MEI4: variants seen among roughly 807,000 people sequenced by gnomAD.
The protein encoded by MEI4 is meiosis-specific protein MEI4.
A neutral mutation model predicts 31.4 loss-of-function variants in MEI4; 27 were observed. The ratio of observed to expected loss-of-function variants is 0.86; its 90% CI spans 0.63 to 1.19. The LOEUF is 1.19. MEI4 is among the 50% of genes most tolerant of loss of function. The pLI is 0.00. For synonymous variants in MEI4, 122 were observed against 145.4 expected (o/e 0.84, Z 1.16); for missense variants, 329 against 398.9 (o/e 0.82, Z 1.49).
chr6:77,796,117 T>C (rs1192662382), intron 3 of MEI4, among the ~76,000 whole-genome samples: 1 of 152,124 alleles, frequency 6.6e-6, no homozygotes, highest in Non-Finnish European at 1.5e-5. Context: ...ATTAACAGAA[T>C]GAAGGATTAA....
At chr6:77,685,133 T>C (rs1460187306) in intron 1 of MEI4, among the ~76,000 whole-genome samples, 1 of 152,200 alleles carries the variant, frequency 6.6e-6, no homozygotes, top group African/African-American at 2.4e-5. Context: ...TATGTCTGTT[T>C]GCCATTTCTG....
intron 2 of MEI4, among the ~76,000 whole-genome samples, chr6:77,731,249 G>A (rs1766980708): frequency 6.8e-6 from 1 of 148,090 alleles, no homozygotes; most frequent in Non-Finnish European, 1.5e-5. Flanking sequence ...CACCAACAGT[G>A]TAAAAGTGTT....
chr6:77,761,125 T>C lies in MEI4; in HGVS notation c.233-5T>C, dbSNP rs968922765. ...AGATAATCCTTCTATTCCTTTATTT[T>C]TCAGGATACGTTTCCTCCCAGTTGG... On this transcript the variant is annotated splice_polypyrimidine_tract_variant and splice_region_variant and intron_variant, in intron 2 of 4. Coordinates refer to ENST00000684080, the MANE Select transcript of MEI4 (RefSeq NM_001322247.2). The C allele has an allele frequency of 2.4e-6, 3 of 1,231,706 alleles. No individual in the cohort carries two copies. The highest frequency in any genetic ancestry group is 3.1e-5 in the African/African-American group (2 of 64,394). 76.3% of individuals were successfully genotyped at this position (1,231,706 alleles called of 1,614,324 possible).
At chr6:77,751,587 T>C (rs1400909067) in intron 2 of MEI4, among the ~76,000 whole-genome samples, 2 of 151,754 alleles carry the variant, frequency 1.3e-5, no homozygotes, top group African/African-American at 4.8e-5. Context: ...AGCCCTGAAA[T>C]GACCAATAAC....
chr6:77,705,440 A>G (rs1766311144), intron 2 of MEI4, among the ~76,000 whole-genome samples: 1 of 152,252 alleles, frequency 6.6e-6, no homozygotes, highest in African/African-American at 2.4e-5. Flanking sequence ...AAGTAATATC[A>G]CACATGTGGA....
intron 2 of MEI4, among the ~76,000 whole-genome samples, chr6:77,729,392 T>C (rs1766913528): frequency 6.6e-6 from 1 of 152,246 alleles, no homozygotes; most frequent in South Asian, 2.1e-4. Context: ...CACACTGGAA[T>C]AACCTAGGAG....
chr6:77,881,461 A>G (rs532599468), intron 4 of MEI4, among the ~76,000 whole-genome samples: 53 of 152,184 alleles, frequency 3.5e-4, no homozygotes, highest in South Asian at 8.3e-4. Context: ...ATGACTTCTG[A>G]CTCATTCTAT....
chr6:77,902,436 T>A lies in MEI4; in HGVS notation c.901-20653T>A, dbSNP rs1409310985. Among the ~76,000 whole-genome samples, 8 of 152,280 alleles carry A rather than the reference T, an allele frequency of 5.3e-5. No individual in the cohort carries two copies. In the South Asian group the frequency reaches 1.7e-3, roughly 32 times the overall value. Reference sequence around the variant, plus strand: ...TAGTTTTTTCACCTCCTTGGTTAAATGTATTCTTAAGTATTTTGGATTTTT... The same window carrying A: ...TAGTTTTTTCACCTCCTTGGTTAAAAGTATTCTTAAGTATTTTGGATTTTT... On this transcript the variant is annotated intron_variant, in intron 4 of 4. Transcript: ENST00000684080.
intron 1 of MEI4, among the ~76,000 whole-genome samples, chr6:77,680,128 A>AAAAAAAAAAAAAAAAAAAAAAAAT (rs1247876878): frequency 7.8e-5 from 9 of 115,576 alleles, no homozygotes; most frequent in East Asian, 2.5e-4. Context: ...AAAAAAAAAA[A>AAAAAAAAAAAAAAAAAAAAAAAAT]ATTAGCTGGG....
At chr6:77,868,518 T>TATATATAC (rs1771113372) in intron 4 of MEI4, among the ~76,000 whole-genome samples, 2 of 137,592 alleles carry the variant, frequency 1.5e-5, no homozygotes, top group African/African-American at 5.2e-5. Context: ...TATATATATA[T>TATATATAC]ATATATATAT....
upstream of MEI4, among the ~76,000 whole-genome samples, chr6:77,651,593 G>A (rs1768301890): frequency 6.6e-6 from 1 of 152,206 alleles, no homozygotes; most frequent in Non-Finnish European, 1.5e-5. Context: ...GAGATTTACA[G>A]CGTATTATAT....
chr6:77,666,613 T>C (rs1241168775), intron 1 of MEI4, among the ~76,000 whole-genome samples: 5 of 152,208 alleles, frequency 3.3e-5, no homozygotes, highest in Admixed American at 6.5e-5. Context: ...AGAGGTTGTA[T>C]AATCTCTGTC....
At chr6:77,699,153 C>A (rs1374497773) in intron 2 of MEI4, among the ~76,000 whole-genome samples, 1 of 147,684 alleles carries the variant, frequency 6.8e-6, no homozygotes, top group Non-Finnish European at 1.5e-5. Context: ...ACTGGTTATT[C>A]TAGTTATCCA....
intron 4 of MEI4, among the ~76,000 whole-genome samples, chr6:77,917,674 G>C (rs1004076333): frequency 8.4e-6 from 1 of 118,900 alleles, no homozygotes; most frequent in Middle Eastern, 3.3e-3. Flanking sequence ...TTAGCCCTTT[G>C]TCAGATGAGT....
chr6:77,676,710 C>T (rs191176038), intron 1 of MEI4, among the ~76,000 whole-genome samples: 359 of 152,116 alleles, frequency 2.4e-3, no homozygotes, highest in South Asian at 0.011. Context: ...GGAAGCCTGG[C>T]GGTTAGGATG....
At chr6:77,700,658 T>C (rs1001766810) in intron 2 of MEI4, among the ~76,000 whole-genome samples, 1 of 152,144 alleles carries the variant, frequency 6.6e-6, no homozygotes, top group African/African-American at 2.4e-5. Context: ...CAGATGGAAA[T>C]GCAAAAATCA....
intron 1 of MEI4, among the ~76,000 whole-genome samples, chr6:77,667,957 T>TAA (rs148856293): frequency 2.2e-4 from 31 of 139,760 alleles, no homozygotes; most frequent in African/African-American, 6.6e-4. Flanking sequence ...AGATCTAGCT[T>TAA]AAAAAAAAAA....
chr6:77,748,803 A>G (rs773579930), intron 2 of MEI4, among the ~76,000 whole-genome samples: 2 of 152,046 alleles, frequency 1.3e-5, no homozygotes, highest in Non-Finnish European at 2.9e-5. Flanking sequence ...CTTCATATAG[A>G]TTTTCTAAGT....
intron 1 of MEI4, among the ~76,000 whole-genome samples, chr6:77,662,771 T>A (rs944177398): frequency 6.6e-6 from 1 of 152,178 alleles, no homozygotes; most frequent in Non-Finnish European, 1.5e-5. Context: ...AAGGAGTTTT[T>A]GTTTTGTAGA....
Sources: gnomAD v4.1 joint callset for allele counts (sites outside exome capture counted in the v4.1 genomes callset) on GRCh38, gnomAD v4.1.1 for gene constraint, MANE v1.5 for transcripts, NCBI Gene and HGNC (gene_info 2026-07-23, HGNC 2026-07-21) for gene names.